Variants in TXLNB observed in about 807,000 individuals in gnomAD.
The protein encoded by TXLNB is beta-taxilin.
In TXLNB, 37 loss-of-function variants were observed where a neutral mutation model predicts 57.4. That is an observed-to-expected ratio of 0.64 (90% CI 0.50 to 0.85). The LOEUF (loss-of-function observed/expected upper bound fraction) is 0.85. Among genes scored for constraint, TXLNB ranks in the 40% least tolerant of loss-of-function variants. The pLI is 0.00. For missense variants in TXLNB, 848 were observed against 825.6 expected (o/e 1.03, Z -0.33); for synonymous variants, 302 against 309.6 (o/e 0.98, Z 0.26).
intron 6 of TXLNB, among the ~76,000 whole-genome samples, chr6:139,255,930 A>G (rs535885692): frequency 3.2e-4 from 48 of 151,606 alleles, no homozygotes; most frequent in Non-Finnish European, 5.2e-4. Context: ...AAAAAAACCA[A>G]AATTAGTCAG....
the TXLNB span, among the ~76,000 whole-genome samples, chr6:139,319,474 C>A: frequency 6.6e-6 from 1 of 151,594 alleles, no homozygotes; most frequent in East Asian, 1.9e-4. Context: ...CATGACCACA[C>A]CTCCTTTGTT....
At chr6:139,246,051 A>G (rs1036474938) in intron 8 of TXLNB, among the ~76,000 whole-genome samples, 2 of 150,586 alleles carry the variant, frequency 1.3e-5, no homozygotes, top group Non-Finnish European at 2.9e-5. Flanking sequence ...AAGCTATGGG[A>G]CCACACTTCA....
chr6:139,308,879 G>GTATT, the TXLNB span, among the ~76,000 whole-genome samples: 1 of 152,338 alleles, frequency 6.6e-6, no homozygotes, highest in African/African-American at 2.4e-5. Flanking sequence ...TAAAACAACA[G>GTATT]TGAATGCTTG....
chr6:139,298,799 T>C, the TXLNB span, among the ~76,000 whole-genome samples: 1 of 152,138 alleles, frequency 6.6e-6, no homozygotes, highest in Non-Finnish European at 1.5e-5. Flanking sequence ...GGTGGAGGCT[T>C]TTGGGTCATG....
downstream of TXLNB, among the ~76,000 whole-genome samples, chr6:139,238,020 A>G (rs1456501084): frequency 6.6e-6 from 1 of 152,200 alleles, no homozygotes; most frequent in African/African-American, 2.4e-5. Context: ...TGTTTCTACC[A>G]AATATCCTTA....
At chr6:139,300,695 A>C in the TXLNB span, among the ~76,000 whole-genome samples, 3 of 152,194 alleles carry the variant, frequency 2.0e-5, no homozygotes, top group Admixed American at 2.0e-4. Context: ...CAGGGGTTCG[A>C]GACCAGCCTG....
chr6:139,228,204 G>T, the TXLNB span, among the ~76,000 whole-genome samples: 6 of 151,994 alleles, frequency 3.9e-5, no homozygotes, highest in Non-Finnish European at 7.4e-5. Context: ...ATCCAGCAAC[G>T]CAACCATACC....
chr6:139,193,537 C>G, the TXLNB span, among the ~76,000 whole-genome samples: 1 of 151,900 alleles, frequency 6.6e-6, no homozygotes, highest in African/African-American at 2.4e-5. Context: ...ATTCTAGGAC[C>G]CCAGGCCAAA....
chr6:139,273,509 T>C (rs1469974210), intron 3 of TXLNB, among the ~76,000 whole-genome samples: 1 of 152,254 alleles, frequency 6.6e-6, no homozygotes, highest in Non-Finnish European at 1.5e-5. Context: ...TCATCCAGGC[T>C]GGAGTGCAGT....
rs1156972463 is a variant in TXLNB at position 139,240,989 on chromosome 6, C to A, written c.*1537G>T. 6.6e-6 allele frequency: 1 copy of A among 152,354 alleles called. No individual in the cohort carries two copies. Among genetic ancestry groups the A allele is most frequent in the African/African-American group, 2.4e-5 (1 of 41,438 alleles). 9.4% of individuals were successfully genotyped at this position (152,354 alleles called of 1,614,324 possible). ...TTCTTCCCTTCTCCCTCCTTCCTTT[C>A]TTCCTTCCCTTTCCTCTCTCTCCCT... On this transcript the variant is annotated 3_prime_UTR_variant, in exon 10 of 10. Coordinates refer to ENST00000358430, the MANE Select transcript of TXLNB (RefSeq NM_153235.4).
At chr6:139,166,787 G>A in the TXLNB span, 2 of 1,613,664 alleles carry the variant, frequency 1.2e-6, no homozygotes, top group Admixed American at 1.7e-5. Context: ...GGGTGCCGCA[G>A]CCTACGGTGC....
At chr6:139,309,125 T>C in the TXLNB span, among the ~76,000 whole-genome samples, 2 of 152,204 alleles carry the variant, frequency 1.3e-5, no homozygotes, top group South Asian at 2.1e-4. Context: ...CAGAGGTTAT[T>C]TCCTGGGGCA....
the TXLNB span, among the ~76,000 whole-genome samples, chr6:139,212,131 C>A: frequency 6.6e-6 from 1 of 152,136 alleles, no homozygotes; most frequent in Non-Finnish European, 1.5e-5. Context: ...CAGAGAACAC[C>A]ACAAAGATAC....
chr6:139,243,911 G>A (rs1194803844), intron 9 of TXLNB, among the ~76,000 whole-genome samples: 4 of 152,174 alleles, frequency 2.6e-5, no homozygotes, highest in Admixed American at 2.0e-4. Context: ...CTCTAGAAAT[G>A]TCTATTTGTG....
the TXLNB span, among the ~76,000 whole-genome samples, chr6:139,315,571 G>A: frequency 1.3e-5 from 2 of 152,158 alleles, no homozygotes; most frequent in Admixed American, 6.5e-5. Flanking sequence ...TCATATGAAT[G>A]TTGTAATAAA....
chr6:139,277,783 CCTAT>C (rs1183247620), intron 2 of TXLNB, among the ~76,000 whole-genome samples: 1 of 152,124 alleles, frequency 6.6e-6, no homozygotes, highest in Non-Finnish European at 1.5e-5. Flanking sequence ...CCCATCCCTA[CCTAT>C]CTATGAAAAC....
chr6:139,267,290 T>C (rs765065454), intron 4 of TXLNB, among the ~76,000 whole-genome samples: 2 of 152,192 alleles, frequency 1.3e-5, no homozygotes, highest in African/African-American at 2.4e-5. Context: ...ATTATAACAA[T>C]GTCTCATCGG....
chr6:139,323,699 CTGCATTG>C, the TXLNB span, among the ~76,000 whole-genome samples: 1 of 152,224 alleles, frequency 6.6e-6, no homozygotes, highest in Non-Finnish European at 1.5e-5. Context: ...TGTACATCTG[CTGCATTG>C]TCTTCTCTAG....
At chr6:139,215,631 C>T in the TXLNB span, among the ~76,000 whole-genome samples, 1 of 152,142 alleles carries the variant, frequency 6.6e-6, no homozygotes, top group Non-Finnish European at 1.5e-5. Context: ...CAAATGGGAT[C>T]TAATTAAACT....
Sources: gnomAD v4.1 joint callset for allele counts (sites outside exome capture counted in the v4.1 genomes callset) on GRCh38, gnomAD v4.1.1 for gene constraint, MANE v1.5 for transcripts, NCBI Gene and HGNC (gene_info 2026-07-23, HGNC 2026-07-21) for gene names.